The following SPAG17 variants were observed in gnomAD, a reference collection of about 807,000 sequenced individuals.
SPAG17 encodes the protein sperm associated antigen 17, also known as sperm-associated antigen 17.
A neutral mutation model predicts 273.6 loss-of-function variants in SPAG17; 169 were observed. The ratio of observed to expected loss-of-function variants is 0.62; its 90% CI spans 0.55 to 0.70. The LOEUF (loss-of-function observed/expected upper bound fraction) is 0.70, where lower values mean the gene tolerates loss of function less well. Among genes scored for constraint, SPAG17 ranks in the 30% least tolerant of loss-of-function variants. The probability of loss-of-function intolerance (pLI) is 0.00; values close to 1 mark genes in which losing one functional copy is unlikely to be tolerated. For missense variants in SPAG17, 2,557 were observed against 2,627.8 expected, an observed-to-expected ratio of 0.97 and a Z score of 0.59; for synonymous variants, 825 against 873.2, an observed-to-expected ratio of 0.94 and a Z score of 0.97.
intron 13 of SPAG17, among the ~76,000 whole-genome samples, chr1:118,084,078 G>A (rs554031659): frequency 3.3e-5 from 5 of 152,202 alleles, no homozygotes; most frequent in African/African-American, 1.2e-4. Flanking sequence ...AGGGAGAATG[G>A]AGTCACATCT....
At chr1:118,016,210 C>A in intron 28 of SPAG17, 28 bp from the exon 29 acceptor site, 1 of 1,545,452 alleles carries the variant, frequency 6.5e-7, no homozygotes, top group Non-Finnish European at 8.9e-7. Context: ...AATCAAACAA[C>A]AACAATATAA....
At chr1:118,132,962 A>C (rs111568221) in intron 3 of SPAG17, among the ~76,000 whole-genome samples, 7,866 of 152,026 alleles carry the variant, frequency 0.052, 282 homozygotes, top group Non-Finnish European at 0.081. Context: ...TAGTAGAGAT[A>C]GGGTTTCACT....
At chr1:118,181,927 G>A (rs1384269426) in intron 1 of SPAG17, among the ~76,000 whole-genome samples, 1 of 152,058 alleles carries the variant, frequency 6.6e-6, no homozygotes, top group Non-Finnish European at 1.5e-5. Context: ...ATCAGCCTGG[G>A]CCACACAGAC....
At chr1:118,041,113 G>T (rs530128845) in intron 21 of SPAG17, among the ~76,000 whole-genome samples, 17 of 152,272 alleles carry the variant, frequency 1.1e-4, no homozygotes. Flanking sequence ...TGTCAAGGCA[G>T]TTCAAGAAGA....
intron 7 of SPAG17, among the ~76,000 whole-genome samples, chr1:118,096,850 T>G (rs892098239): frequency 2.0e-5 from 3 of 152,112 alleles, no homozygotes; most frequent in African/African-American, 7.2e-5. Context: ...CAGGGGCCAG[T>G]AAACCCCACT....
At chr1:117,996,874 T>C in intron 32 of SPAG17, 131 bp from the exon 33 acceptor site, 1 of 889,592 alleles carries the variant, frequency 1.1e-6, no homozygotes, top group Admixed American at 2.9e-5. Context: ...ATTTGCAAGG[T>C]ATTGTTTACT....
In SPAG17 at chr1:117,971,965, C is replaced by A. The variant is rs1320389241; in HGVS notation, c.6224G>T (p.Gly2075Val). The A allele has an allele frequency of 4.3e-6, 7 of 1,613,644 alleles. No homozygotes were observed. The highest frequency in any genetic ancestry group is 3.4e-6 in the Non-Finnish European group (4 of 1,179,882). The change falls in exon 45 of 49, where the codon GGG becomes GTG. Residue 2075 changes from glycine to valine, a missense_variant. Transcript: ENST00000336338. ...AINNAKSSLF[G>V]FHLLPSSVKF... ...GACTGATGATGGGAGAAGATGGAAC[C>A]CAAAAAGGGATGACTTTGCATTATT...
intron 40 of SPAG17, 66 bp downstream of exon 40, chr1:117,987,768 A>C (rs367781811): frequency 6.5e-7 from 1 of 1,549,218 alleles, no homozygotes; most frequent in East Asian, 2.2e-5. Flanking sequence ...ATTTTGGCCT[A>C]TCCCATTCTC....
At chr1:118,061,456 C>T (rs995837780) in intron 18 of SPAG17, among the ~76,000 whole-genome samples, 1 of 152,160 alleles carries the variant, frequency 6.6e-6, no homozygotes, top group Non-Finnish European at 1.5e-5. Flanking sequence ...CAAATACCGG[C>T]TGATTCCACT....
At chr1:117,957,274 C>T in intron 48 of SPAG17, 1 of 1,477,778 alleles carries the variant, frequency 6.8e-7, no homozygotes. Flanking sequence ...GCTGTCAACA[C>T]TTTGGGATTA....
chr1:118,167,201 A>C (rs938431379), intron 1 of SPAG17, among the ~76,000 whole-genome samples: 1 of 152,212 alleles, frequency 6.6e-6, no homozygotes, highest in African/African-American at 2.4e-5. Context: ...GAGCTTTAAC[A>C]AATTCTCTGA....
At chr1:118,064,584 T>C in intron 18 of SPAG17, among the ~76,000 whole-genome samples, 1 of 91,766 alleles carries the variant, frequency 1.1e-5, no homozygotes, top group African/African-American at 4.4e-5. Flanking sequence ...TGGGGCCTGT[T>C]GTGGGGTGGG....
At chr1:118,066,126 ATCTT>A (rs562528090) in intron 18 of SPAG17, among the ~76,000 whole-genome samples, 97 of 152,294 alleles carry the variant, frequency 6.4e-4, no homozygotes, top group African/African-American at 2.2e-3. Context: ...CATTCTGTAA[ATCTT>A]TCTGTATTCT....
At chr1:118,039,062 G>T (rs1479324821) in intron 23 of SPAG17, among the ~76,000 whole-genome samples, 1 of 152,110 alleles carries the variant, frequency 6.6e-6, no homozygotes, top group African/African-American at 2.4e-5. Flanking sequence ...ATTTCATCAT[G>T]AACCTAAAAC....
chr1:117,995,295 C>T (rs1657532504), intron 34 of SPAG17, among the ~76,000 whole-genome samples: 1 of 152,046 alleles, frequency 6.6e-6, no homozygotes, highest in Non-Finnish European at 1.5e-5. Flanking sequence ...AGACCTTATC[C>T]CAACTTATAA....
In SPAG17 at chr1:117,987,860, G is replaced by T; in HGVS notation, c.5643C>A (p.Arg1881=). 6.2e-7 allele frequency: 1 copy of T among 1,612,170 alleles called. No homozygotes were observed. The highest frequency in any genetic ancestry group is 8.5e-7 in the Non-Finnish European group (1 of 1,178,558). Residue 1881 remains arginine (R), a synonymous_variant, in exon 40 of 49, where the codon CGC becomes CGA. Coordinates refer to ENST00000336338, the MANE Select transcript of SPAG17 (RefSeq NM_206996.4). Reference sequence around the variant, plus strand: ...TCGTTTTGTCTATCTTTTCTTTCCAGCGTTTTGAGGATGCTGTGTGTCTAT... The same window carrying T: ...TCGTTTTGTCTATCTTTTCTTTCCATCGTTTTGAGGATGCTGTGTGTCTAT... ...KTWRHTASSK[R]WKEKIDKTRK...
chr1:118,089,535 A>G (rs2102182039), intron 10 of SPAG17, among the ~76,000 whole-genome samples: 1 of 152,166 alleles, frequency 6.6e-6, no homozygotes, highest in East Asian at 1.9e-4. Context: ...TGTGTTATCA[A>G]TTATAAAGAG....
rs764604542 is a variant in SPAG17, at chr1:118,042,031, T to G, written c.2826A>C (p.Glu942Asp). The change falls in exon 21 of 49, where the codon GAA (glutamate) becomes GAC (aspartate). Residue 942 changes from glutamate to aspartate, a missense_variant. Transcript: ENST00000336338. ...ILEGSLKAWK[E>D]EQHRLAEEER... ...CCTCTTCTGCTAATCGATGTTGCTC[T>G]TCTTTCCATGCCTGTAAACACATTT... is the stretch of plus-strand genomic sequence containing the variant. 6.2e-7 allele frequency: 1 copy of G among 1,611,718 alleles called. No individual in the cohort carries two copies. The highest frequency in any genetic ancestry group is 2.2e-5 in the East Asian group (1 of 44,860).
At chr1:118,182,170 T>C (rs1277835968) in intron 1 of SPAG17, among the ~76,000 whole-genome samples, 1 of 152,114 alleles carries the variant, frequency 6.6e-6, no homozygotes, top group Admixed American at 6.6e-5. Context: ...AGACATTATG[T>C]TAAGTAAAAA....
Sources: gnomAD v4.1 joint callset for allele counts (sites outside exome capture counted in the v4.1 genomes callset) on GRCh38, gnomAD v4.1.1 for gene constraint, MANE v1.5 for transcripts, NCBI Gene and HGNC (gene_info 2026-07-23, HGNC 2026-07-21) for gene names.